TBC1D19: variants seen among roughly 807,000 people sequenced by gnomAD.
The protein encoded by TBC1D19 is TBC1 domain family member 19, also known as TBC1 domain family, member 19.
TBC1D19 carries 60 observed loss-of-function variants against 89.0 expected under a neutral mutation model. The ratio of observed to expected loss-of-function variants is 0.67; its 90% CI spans 0.55 to 0.84. The LOEUF (loss-of-function observed/expected upper bound fraction) is 0.84. Ranked by LOEUF, TBC1D19 falls within the 40% of genes least tolerant of loss-of-function variation. TBC1D19 has a pLI of 0.00. For synonymous variants in TBC1D19, 189 were observed against 199.7 expected (o/e 0.95, Z 0.45); for missense variants, 500 against 610.8 (o/e 0.82, Z 1.91).
chr4:26,772,711 G>A, the TBC1D19 span, among the ~76,000 whole-genome samples: 1,371 of 152,166 alleles, frequency 9.0e-3, 15 homozygotes, highest in African/African-American at 0.031. Context: ...ATTAGAACAT[G>A]CGGTGTTTGG....
chr4:26,788,363 T>C, the TBC1D19 span, among the ~76,000 whole-genome samples: 1 of 152,200 alleles, frequency 6.6e-6, no homozygotes, highest in African/African-American at 2.4e-5. Flanking sequence ...CTCTTCTTAA[T>C]GGGAGGTTCC....
intron 13 of TBC1D19, among the ~76,000 whole-genome samples, chr4:26,710,366 A>C (rs1299543901): frequency 2.6e-5 from 4 of 152,068 alleles, no homozygotes; most frequent in African/African-American, 9.7e-5. Context: ...TGAACTCATC[A>C]TTTTTTATGG....
At chr4:26,756,432 A>G (rs1005218846), downstream of TBC1D19, among the ~76,000 whole-genome samples, 3 of 152,194 alleles carry the variant, frequency 2.0e-5, no homozygotes, top group Admixed American at 6.5e-5. Flanking sequence ...CTTTTTTAAA[A>G]GAGGCAACGT....
At chr4:26,683,619 G>A (rs1441276599) in intron 11 of TBC1D19, 56 bp from the exon 12 acceptor site, 6 of 1,416,126 alleles carry the variant, frequency 4.2e-6, no homozygotes, top group African/African-American at 2.9e-5. Flanking sequence ...TGAGTTTAAG[G>A]CTGACTTTAT....
chr4:26,837,442 CCT>C, the TBC1D19 span, among the ~76,000 whole-genome samples: 11 of 152,234 alleles, frequency 7.2e-5, no homozygotes, highest in East Asian at 7.7e-4. Context: ...CAATTTTCCC[CCT>C]GTTTAACTGG....
At chr4:26,594,988 G>A (rs994179591) in intron 1 of TBC1D19, among the ~76,000 whole-genome samples, 4 of 152,236 alleles carry the variant, frequency 2.6e-5, no homozygotes, top group Non-Finnish European at 5.9e-5. Flanking sequence ...TGCGTGGTAA[G>A]AGAGTGGTTA....
chr4:26,672,259 A>G, intron 10 of TBC1D19, 72 bp downstream of exon 10: 1 of 1,176,998 alleles, frequency 8.5e-7, no homozygotes, highest in Non-Finnish European at 1.1e-6. Flanking sequence ...TGCCTCAGAT[A>G]ACCTCCAGGT....
intron 1 of TBC1D19, among the ~76,000 whole-genome samples, chr4:26,597,745 C>T (rs1261844444): frequency 6.6e-6 from 1 of 151,952 alleles, no homozygotes; most frequent in African/African-American, 2.4e-5. Flanking sequence ...TTTTATAACT[C>T]ACATCTATAT....
the TBC1D19 span, among the ~76,000 whole-genome samples, chr4:26,805,173 T>C: frequency 6.6e-6 from 1 of 152,138 alleles, no homozygotes; most frequent in East Asian, 1.9e-4. Flanking sequence ...AGAATTCTTA[T>C]GAGATTAAAA....
At chr4:26,670,533 C>T (rs1274938542) in intron 9 of TBC1D19, among the ~76,000 whole-genome samples, 1 of 151,562 alleles carries the variant, frequency 6.6e-6, no homozygotes, top group African/African-American at 2.4e-5. Flanking sequence ...TCAAGTACTG[C>T]AGGTAATAGA....
the TBC1D19 span, among the ~76,000 whole-genome samples, chr4:26,829,942 A>C: frequency 1.6e-3 from 236 of 152,220 alleles, no homozygotes; most frequent in African/African-American, 5.6e-3. Flanking sequence ...GAGGCATCTT[A>C]CCTTCGGGGA....
chr4:26,584,065 C>A, upstream of TBC1D19: 3 of 881,290 alleles, frequency 3.4e-6, no homozygotes, highest in Non-Finnish European at 5.3e-6. Context: ...TGCCTGGTAA[C>A]GCCCGCTGGA....
At chr4:26,628,111 C>A (rs1577832031) in intron 4 of TBC1D19, among the ~76,000 whole-genome samples, 1 of 152,134 alleles carries the variant, frequency 6.6e-6, no homozygotes, top group African/African-American at 2.4e-5. Context: ...ATATGGCTAG[C>A]CAGTTTTCCC....
At chr4:26,712,429 A>G (rs1196775835) in intron 13 of TBC1D19, among the ~76,000 whole-genome samples, 1 of 152,030 alleles carries the variant, frequency 6.6e-6, no homozygotes, top group Non-Finnish European at 1.5e-5. Flanking sequence ...AAGCCAGCAG[A>G]GAGCATCATC....
intron 15 of TBC1D19, among the ~76,000 whole-genome samples, chr4:26,726,270 C>T (rs1334413813): frequency 1.3e-5 from 2 of 151,894 alleles, no homozygotes; most frequent in Admixed American, 6.6e-5. Context: ...CACTGGACAG[C>T]CCCTTACAAC....
chr4:26,690,373 C>T (rs781453390), intron 13 of TBC1D19, among the ~76,000 whole-genome samples: 8 of 152,210 alleles, frequency 5.3e-5, no homozygotes, highest in Non-Finnish European at 1.0e-4. Flanking sequence ...AAGGTGGCTA[C>T]ACTAAACAAC....
the TBC1D19 span, among the ~76,000 whole-genome samples, chr4:26,827,530 G>A: frequency 2.1e-4 from 32 of 152,262 alleles, no homozygotes; most frequent in African/African-American, 5.5e-4. Context: ...CTTGAATCTC[G>A]GAGGCAGAGG....
intron 1 of TBC1D19, among the ~76,000 whole-genome samples, chr4:26,596,156 C>T (rs1482497966): frequency 1.3e-5 from 2 of 151,960 alleles, no homozygotes; most frequent in Non-Finnish European, 2.9e-5. Flanking sequence ...GGGGTTTTGC[C>T]ATGTTGGCCA....
At chr4:26,800,577 C>T in the TBC1D19 span, among the ~76,000 whole-genome samples, 1 of 152,160 alleles carries the variant, frequency 6.6e-6, no homozygotes, top group Admixed American at 6.5e-5. Context: ...TGAGGAATCG[C>T]CACACTGACT....
Sources: allele counts gnomAD v4.1 joint callset (sites outside exome capture counted in the v4.1 genomes callset), GRCh38; gene constraint gnomAD v4.1.1; transcripts MANE v1.5; gene names NCBI Gene and HGNC (gene_info 2026-07-23, HGNC 2026-07-21).